CNBD1: variants seen among roughly 807,000 people sequenced by gnomAD.
CNBD1 encodes the protein cyclic nucleotide binding domain containing 1.
CNBD1 carries 71 observed loss-of-function variants against 54.4 expected under a neutral mutation model. That is an observed-to-expected ratio of 1.30 (90% CI 1.08 to 1.59). The LOEUF is 1.59. Among genes scored for constraint, CNBD1 ranks in the 40% most tolerant of loss-of-function variants. The pLI, the probability that CNBD1 is intolerant of heterozygous loss-of-function variation, is 0.00. For synonymous variants in CNBD1, 182 were observed against 170.7 expected (o/e 1.07, Z -0.51); for missense variants, 659 against 518.0 (o/e 1.27, Z -2.64).
At chr8:86,927,418 T>C (rs1809380710) in intron 3 of CNBD1, among the ~76,000 whole-genome samples, 1 of 151,880 alleles carries the variant, frequency 6.6e-6, no homozygotes, top group Non-Finnish European at 1.5e-5. Flanking sequence ...AAGGTGATGA[T>C]TTTTGGGGGC....
chr8:86,982,735 T>C (rs1808515374), intron 4 of CNBD1, among the ~76,000 whole-genome samples: 1 of 152,186 alleles, frequency 6.6e-6, no homozygotes, highest in Non-Finnish European at 1.5e-5. Context: ...TTATCCCATC[T>C]TACCTTCTTT....
At chr8:86,955,513 A>C (rs1807741389) in intron 4 of CNBD1, among the ~76,000 whole-genome samples, 1 of 152,134 alleles carries the variant, frequency 6.6e-6, no homozygotes, top group African/African-American at 2.4e-5. Context: ...TGACTTGTTA[A>C]TGATTGCCAT....
intron 4 of CNBD1, among the ~76,000 whole-genome samples, chr8:87,198,447 A>T (rs1021174269): frequency 3.3e-5 from 5 of 152,240 alleles, no homozygotes; most frequent in African/African-American, 1.2e-4. Context: ...ATTATGATAC[A>T]TGCAAAGAAA....
chr8:87,276,441 T>C (rs1383339446), intron 6 of CNBD1, among the ~76,000 whole-genome samples: 2 of 151,874 alleles, frequency 1.3e-5, no homozygotes. Flanking sequence ...GATGCCATGG[T>C]CTGGTTGCTT....
chr8:87,029,619 G>C (rs74753252), intron 4 of CNBD1, among the ~76,000 whole-genome samples: 1 of 152,022 alleles, frequency 6.6e-6, no homozygotes, highest in Non-Finnish European at 1.5e-5. Context: ...AACCAAAGCA[G>C]ATAAAGCAGT....
chr8:86,908,237 TAAG>T (rs1252148636), intron 3 of CNBD1, among the ~76,000 whole-genome samples: 1 of 152,200 alleles, frequency 6.6e-6, no homozygotes, highest in Admixed American at 6.5e-5. Context: ...AAGAATAGGA[TAAG>T]AAGATGAAGT....
intron 2 of CNBD1, among the ~76,000 whole-genome samples, chr8:87,388,207 A>G (rs1312540689): frequency 6.6e-6 from 1 of 152,176 alleles, no homozygotes; most frequent in Non-Finnish European, 1.5e-5. Flanking sequence ...GAGAAGCAAG[A>G]GAAAACACAT....
intron 4 of CNBD1, among the ~76,000 whole-genome samples, chr8:86,956,143 A>G (rs1186588237): frequency 6.6e-6 from 1 of 151,870 alleles, no homozygotes; most frequent in Non-Finnish European, 1.5e-5. Flanking sequence ...ATAGTTGTAG[A>G]TATGCGGAGT....
intron 3 of CNBD1, among the ~76,000 whole-genome samples, chr8:86,933,818 C>T (rs1484766228): frequency 6.6e-6 from 1 of 151,938 alleles, no homozygotes; most frequent in Non-Finnish European, 1.5e-5. Flanking sequence ...ATGTCAACAT[C>T]AGAGAAAGGA....
intron 2 of CNBD1, among the ~76,000 whole-genome samples, chr8:87,402,650 A>G (rs1027664682): frequency 2.0e-5 from 3 of 152,068 alleles, no homozygotes; most frequent in African/African-American, 4.8e-5. Context: ...GGTGCATGAA[A>G]CTGGAAAAGC....
At chr8:87,423,855 C>A (rs958960059) in intron 2 of CNBD1, among the ~76,000 whole-genome samples, 1,744 of 152,182 alleles carry the variant, frequency 0.011, 36 homozygotes, top group African/African-American at 0.037. Context: ...GGAATGGTAC[C>A]AGTTCCTCCT....
intron 4 of CNBD1, among the ~76,000 whole-genome samples, chr8:86,944,891 G>T (rs1807430636): frequency 6.6e-6 from 1 of 152,126 alleles, no homozygotes; most frequent in African/African-American, 2.4e-5. Flanking sequence ...CTGTGTTAGG[G>T]ATTTAGATTT....
intron 6 of CNBD1, among the ~76,000 whole-genome samples, chr8:87,258,205 A>T (rs1158526086): frequency 6.6e-6 from 1 of 152,090 alleles, no homozygotes; most frequent in African/African-American, 2.4e-5. Flanking sequence ...AAATATGTTA[A>T]ATGTTTAAAA....
Position 87,130,606 on chromosome 8 carries a change from G to A in CNBD1, c.432-75387G>A, listed in dbSNP as rs141660249. 7.4e-3 allele frequency among the ~76,000 whole-genome samples: 1,130 copies of A among 151,970 alleles called. 16 individuals carry two copies. The highest frequency in any genetic ancestry group is 9.7e-3 in the Non-Finnish European group (659 of 67,964). ...AGCTTGGGCAACATGGTGAGACACC[G>A]TCTTTACAAAAAATACAACAAAATG... On this transcript the variant is annotated intron_variant, in intron 4 of 10. Coordinates refer to ENST00000518476, the MANE Select transcript of CNBD1 (RefSeq NM_173538.3).
chr8:87,309,402 T>C (rs1438400743), intron 8 of CNBD1, among the ~76,000 whole-genome samples: 1 of 152,176 alleles, frequency 6.6e-6, no homozygotes, highest in Non-Finnish European at 1.5e-5. Flanking sequence ...CTGTCTTTTA[T>C]TCGGGTCAAC....
At chr8:87,074,545 C>T (rs567859108) in intron 4 of CNBD1, among the ~76,000 whole-genome samples, 19 of 152,246 alleles carry the variant, frequency 1.2e-4, no homozygotes, top group South Asian at 2.1e-4. Context: ...CAATATGTAT[C>T]GAATCCAAGG....
chr8:87,368,542 G>T (rs1156499397), intron 10 of CNBD1, among the ~76,000 whole-genome samples: 2 of 151,630 alleles, frequency 1.3e-5, no homozygotes, highest in Admixed American at 6.6e-5. Context: ...GTGGACTAAG[G>T]CAGGAGGATC....
intron 10 of CNBD1, among the ~76,000 whole-genome samples, chr8:87,366,660 G>A (rs1470015039): frequency 6.6e-6 from 1 of 151,952 alleles, no homozygotes; most frequent in Non-Finnish European, 1.5e-5. Flanking sequence ...AGGTCGTGGG[G>A]GCCACTTTAG....
chr8:87,220,593 G>A (rs1406479221), intron 5 of CNBD1, among the ~76,000 whole-genome samples: 63 of 147,952 alleles, frequency 4.3e-4, no homozygotes, highest in Non-Finnish European at 2.7e-4. Context: ...CAAATTCATA[G>A]GTTTTTAGAC....
Sources: gnomAD v4.1 joint callset for allele counts (sites outside exome capture counted in the v4.1 genomes callset) on GRCh38, gnomAD v4.1.1 for gene constraint, MANE v1.5 for transcripts, NCBI Gene and HGNC (gene_info 2026-07-23, HGNC 2026-07-21) for gene names.